Variants in DPH2 observed in about 807,000 individuals in gnomAD.
DPH2 encodes the protein diphthamide biosynthesis 2.
A neutral mutation model predicts 42.5 loss-of-function variants in DPH2; 28 were observed. The observed-to-expected ratio is 0.66, with a 90% CI of 0.49 to 0.90. DPH2 has a LOEUF of 0.90. DPH2 is among the 40% of genes least tolerant of loss of function. DPH2 has a pLI of 0.00. For missense variants in DPH2, 576 were observed against 636.0 expected (o/e 0.91, Z 1.01); for synonymous variants, 279 against 264.4 (o/e 1.06, Z -0.53).
Position 43,971,207 on chromosome 1 carries a change from T to C in DPH2, c.484+18T>C. 2 of 1,548,448 alleles carry C rather than the reference T, an allele frequency of 1.3e-6. No individual in the cohort carries two copies. Among genetic ancestry groups the C allele is most frequent in the South Asian group, 1.2e-5 (1 of 84,436 alleles). On this transcript the variant is annotated intron_variant, in intron 3 of 5. Coordinates refer to ENST00000255108, the MANE Select transcript of DPH2 (RefSeq NM_001384.5). Reference sequence around the variant, plus strand: ...TGCCCTGGGTAAGGGGTTTTGCCTGTGTATGCACAAAGGGTGAGCCAACTG... The same window carrying C: ...TGCCCTGGGTAAGGGGTTTTGCCTGCGTATGCACAAAGGGTGAGCCAACTG...
Position 43,972,865 on chromosome 1 carries a change from G to A in DPH2, c.*326G>A. 1 of 294,910 alleles carries A rather than the reference G, an allele frequency of 3.4e-6. No individual in the cohort carries two copies. Among genetic ancestry groups the A allele is most frequent in the Non-Finnish European group, 6.5e-6 (1 of 153,892 alleles). The allele number at this position is 294,910 out of a possible 1,614,324, so 18.3% of individuals were successfully genotyped here. ...GTTCCCAGGCTGCAGTTGAGGGTCT[G>A]TCCTTGTCAAAAGGCAGGTGCTAGA... On this transcript the variant is annotated 3_prime_UTR_variant, in exon 6 of 6. Transcript: ENST00000255108.
In DPH2 at chr1:43,971,523, A is replaced by G. The variant is rs1252642082; in HGVS notation, c.621A>G (p.Pro207=). 1.9e-6 allele frequency: 3 copies of G among 1,614,164 alleles called. No homozygotes were observed. In the East Asian group the frequency reaches 6.7e-5, roughly 36 times the overall value. ...TTGGGCGCCGCTTCCCCCTTGCCCC[A>G]GGGAGGCGTCTAGAAGAGTATGGTG... is the stretch of plus-strand genomic sequence containing the variant. ...ERFGRRFPLA[P]GRRLEEYGAF... Residue 207 remains proline, a synonymous_variant, in exon 4 of 6, where the codon CCA becomes CCG. Transcript: ENST00000255108.
Position 43,971,104 on chromosome 1 carries a change from C to T in DPH2, c.399C>T (p.Leu133=), listed in dbSNP as rs370437284. Residue 133 remains leucine, a synonymous_variant, in exon 3 of 6, where the codon CTC becomes CTT. Transcript: ENST00000255108. ...VLRQRSVALE[L]CVKAFEAQNP... is the part of the protein sequence containing the mutation. Reference sequence around the variant, plus strand: ...GTCAACGTTCTGTGGCCTTGGAGCTCTGTGTCAAGGCCTTTGAGGCCCAGA... The same window carrying T: ...GTCAACGTTCTGTGGCCTTGGAGCTTTGTGTCAAGGCCTTTGAGGCCCAGA... 1 of 1,559,648 alleles carries T rather than the reference C, an allele frequency of 6.4e-7. No homozygotes were observed.
chr1:43,972,693 T>G lies in DPH2; in HGVS notation c.*154T>G. ...CCCTTCACAGGATAGGATCCGTCTC[T>G]GTCCTGTCCTGGCACTGGCACAAGC... On this transcript the variant is annotated 3_prime_UTR_variant, in exon 6 of 6. Coordinates refer to ENST00000255108, the MANE Select transcript of DPH2 (RefSeq NM_001384.5). The G allele has an allele frequency of 6.5e-6, 7 of 1,079,432 alleles. No homozygotes were observed. Among genetic ancestry groups the G allele is most frequent in the Non-Finnish European group, 9.2e-6 (7 of 757,546 alleles). The allele number at this position is 1,079,432 out of a possible 1,614,324, so 66.9% of individuals were successfully genotyped here.
intron 1 of DPH2, 39 bp from the exon 2 acceptor site, chr1:43,970,557 G>A (rs1420046468): frequency 2.5e-6 from 4 of 1,604,628 alleles, no homozygotes; most frequent in Non-Finnish European, 3.4e-6. Flanking sequence ...CCCTCAGTGG[G>A]AGAGAGGCTG....
rs1386111840 is a variant in DPH2 at position 43,970,684 on chromosome 1, T to C, written c.236T>C (p.Ile79Thr). The C allele has an allele frequency of 1.9e-6, 3 of 1,614,024 alleles. No individual in the cohort carries two copies. Among genetic ancestry groups the C allele is most frequent in the Non-Finnish European group, 1.7e-6 (2 of 1,180,026 alleles). The stretch of plus-strand genomic sequence containing the variant: ...GAGACGACAGGGTCAAAGATGTTCA[T>C]TCTGGGTGACACAGCCTACGGCAGG... Reference protein sequence around the residue: ...LEETTGSKMFILGDTAYGSCC... With the variant: ...LEETTGSKMFTLGDTAYGSCC... The change falls in exon 2 of 6, where the codon ATT (isoleucine) becomes ACT (threonine). Residue 79 changes from isoleucine to threonine, a missense_variant. By Grantham distance (89) the Ile-to-Thr change is moderately conservative. Coordinates refer to ENST00000255108, the MANE Select transcript of DPH2 (RefSeq NM_001384.5).
chr1:43,971,724 G>C lies in DPH2; in HGVS notation c.822G>C (p.Leu274=), dbSNP rs1338264572. The C allele has an allele frequency of 5.0e-6, 8 of 1,611,988 alleles. No homozygotes were observed. In the East Asian group the frequency reaches 1.3e-4, roughly 27 times the overall value. Residue 274 remains leucine (L), a synonymous_variant, in exon 4 of 6, where the codon CTG becomes CTC. Coordinates refer to ENST00000255108, the MANE Select transcript of DPH2 (RefSeq NM_001384.5). ...GGCTAAGGGCACGAAGACGATATCT[G>C]GTAGAGAGGGCCAGAGATGCCCGCG... is the stretch of plus-strand genomic sequence containing the variant. The part of the protein sequence containing the change: ...AGRLRARRRY[L]VERARDARVV...
chr1:43,970,062 TC>T lies in DPH2; in HGVS notation c.-109del. 1 of 1,249,966 alleles carries T rather than the reference TC, an allele frequency of 8.0e-7. No homozygotes were observed. Among genetic ancestry groups the T allele is most frequent in the Non-Finnish European group, 1.1e-6 (1 of 908,750 alleles). The allele number at this position is 1,249,966 out of a possible 1,614,324, so 77.4% of individuals were successfully genotyped here. On this transcript the variant is annotated 5_prime_UTR_variant, in exon 1 of 6. An upstream open reading frame in the 5' UTR gains an earlier in-frame stop. Transcript: ENST00000255108. ...TCACCGGCTGAAGGCCGACTGTGAT[TC>T]CCCCTACCCCCACAAGGCGATTTTG...
At position 43,970,279 on chromosome 1, in the gene DPH2, T is replaced by G. The variant is rs1285078288; in HGVS notation, c.104T>G (p.Leu35Arg). The G allele has an allele frequency of 6.2e-7, 1 of 1,614,232 alleles. No individual in the cohort carries two copies. The highest frequency in any genetic ancestry group is 2.2e-5 in the East Asian group (1 of 44,884). Reference sequence around the variant, plus strand: ...CCGGACCTGGACGGAGTGTACGAGCTGGAGCGAGTCGCTGGATTTGTCCGC... The same window carrying G: ...CCGGACCTGGACGGAGTGTACGAGCGGGAGCGAGTCGCTGGATTTGTCCGC... ...PLPDLDGVYELERVAGFVRDL... is the reference protein window; with the variant it reads ...PLPDLDGVYERERVAGFVRDL... The change falls in exon 1 of 6, where the codon CTG becomes CGG. Residue 35 changes from leucine (L) to arginine (R), a missense_variant. Around this residue, in one of 3 missense-constraint regions of DPH2, gnomAD observed 395 missense variants for 435.2 expected, o/e 0.91. Transcript: ENST00000255108.
Position 43,970,728 on chromosome 1 carries a change from TG to T in DPH2, c.260+23del. Reference sequence around the variant, plus strand: ...CGGCAGGTGTGAACTTGGCCTTAGGTGGGCCAGGCCTGGGGATCCGGGGCTC... The same window carrying T: ...CGGCAGGTGTGAACTTGGCCTTAGGTGGCCAGGCCTGGGGATCCGGGGCTC... On this transcript the variant is annotated intron_variant, in intron 2 of 5. Transcript: ENST00000255108. The T allele has an allele frequency of 2.5e-6, 4 of 1,605,138 alleles. No homozygotes were observed. Among genetic ancestry groups the T allele is most frequent in the Non-Finnish European group, 3.4e-6 (4 of 1,171,920 alleles).
In DPH2 at chr1:43,970,229, G is replaced by T. The variant is rs756626745; in HGVS notation, c.54G>T (p.Gly18=). ...PAEAALQRET[G]VPGLLTPLPD... The stretch of plus-strand genomic sequence containing the variant: ...AGGCGGCGCTGCAGCGAGAGACCGG[G>T]GTGCCAGGACTGCTTACTCCTCTTC... Residue 18 remains glycine (G), a synonymous_variant, in exon 1 of 6, where the codon GGG becomes GGT. Transcript: ENST00000255108. 4 of 1,614,248 alleles carry T rather than the reference G, an allele frequency of 2.5e-6. No homozygotes were observed. The highest frequency in any genetic ancestry group is 1.6e-4 in the Middle Eastern group (1 of 6,062).
At position 43,972,435 on chromosome 1, in the gene DPH2, A is replaced by T; in HGVS notation, c.1366A>T (p.Ser456Cys). The stretch of plus-strand genomic sequence containing the variant: ...TACAGCCTCATTCCTTAGTTCCCGG[A>T]GCTGGCAAGGGCTGGAGCCCCGCCT... ...SPAASFLSSRSWQGLEPRLGQ... is the reference protein window; with the variant it reads ...SPAASFLSSRCWQGLEPRLGQ... The change falls in exon 6 of 6, where the codon AGC becomes TGC. Residue 456 changes from serine (S) to cysteine (C), a missense_variant. By Grantham distance (112) the Ser-to-Cys change is moderately radical. This residue lies in a region of DPH2 where 178 missense variants were observed against 184.4 expected (regional missense o/e 0.97). Transcript: ENST00000255108. 6.2e-7 allele frequency: 1 copy of T among 1,614,214 alleles called. No individual in the cohort carries two copies. Among genetic ancestry groups the T allele is most frequent in the Non-Finnish European group, 8.5e-7 (1 of 1,180,046 alleles).
At chr1:43,970,781 T>C (rs1343322376) in intron 2 of DPH2, 73 bp downstream of exon 2, 1 of 1,430,116 alleles carries the variant, frequency 7.0e-7, no homozygotes, top group East Asian at 2.3e-5. Flanking sequence ...ATGACAGTGA[T>C]TGCCTTCAAT....
At position 43,970,676 on chromosome 1, in the gene DPH2, GA is replaced by G; in HGVS notation, c.229del (p.Met77CysfsTer35). On this transcript the variant is annotated frameshift_variant, in exon 2 of 6. Transcript: ENST00000255108. LOFTEE classifies it high-confidence loss of function. ...GACTGGAGGAGACGACAGGGTCAAA[GA>G]TGTTCATTCTGGGTGACACAGCCTA... ...ARLEETTGSKMFILGDTAYGS... is the reference protein window; with the variant it reads ...ARLEETTGSKXFILGDTAYGS... 3 of 1,614,222 alleles carry G rather than the reference GA, an allele frequency of 1.9e-6. No homozygotes were observed. Among genetic ancestry groups the G allele is most frequent in the Non-Finnish European group, 2.5e-6 (3 of 1,180,038 alleles).
intron 1 of DPH2, 113 bp downstream of exon 1, chr1:43,970,435 G>A: frequency 6.5e-7 from 1 of 1,539,592 alleles, no homozygotes; most frequent in Non-Finnish European, 8.8e-7. Flanking sequence ...CAGTCTGTCC[G>A]CAGCGCGTTG....
At position 43,972,435 on chromosome 1, in the gene DPH2, A is replaced by G. The variant is rs2085454447; in HGVS notation, c.1366A>G (p.Ser456Gly). Residue 456 changes from serine (S) to glycine (G), a missense_variant, in exon 6 of 6, where the codon AGC becomes GGC. Ser to Gly is a moderately conservative substitution (Grantham distance 56, BLOSUM62 0). This residue lies in a region of DPH2 where 178 missense variants were observed against 184.4 expected (regional missense o/e 0.97). Transcript: ENST00000255108. Reference protein sequence around the residue: ...SPAASFLSSRSWQGLEPRLGQ... With the variant: ...SPAASFLSSRGWQGLEPRLGQ... ...TACAGCCTCATTCCTTAGTTCCCGG[A>G]GCTGGCAAGGGCTGGAGCCCCGCCT... 12 of 1,614,214 alleles carry G rather than the reference A, an allele frequency of 7.4e-6. No homozygotes were observed. Among genetic ancestry groups the G allele is most frequent in the Non-Finnish European group, 1.0e-5 (12 of 1,180,046 alleles).
In DPH2 at chr1:43,970,958, C is replaced by A; in HGVS notation, c.261-8C>A. 6.4e-7 allele frequency: 1 copy of A among 1,569,394 alleles called. No individual in the cohort carries two copies. Among genetic ancestry groups the A allele is most frequent in the East Asian group, 2.3e-5 (1 of 43,018 alleles). Reference sequence around the variant, plus strand: ...GAACCCATTTCTCTGATGCTATCTTCCCTGCAGCTGCTGCGTGGATGTGCT... The same window carrying A: ...GAACCCATTTCTCTGATGCTATCTTACCTGCAGCTGCTGCGTGGATGTGCT... On this transcript the variant is annotated splice_polypyrimidine_tract_variant and splice_region_variant and intron_variant, in intron 2 of 5. Transcript: ENST00000255108.
rs1266046895 is a variant in DPH2 at position 43,970,576 on chromosome 1, T to G, written c.148-20T>G. 1 of 1,613,088 alleles carries G rather than the reference T, an allele frequency of 6.2e-7. No individual in the cohort carries two copies. On this transcript the variant is annotated intron_variant, in intron 1 of 5. Transcript: ENST00000255108. ...CAGTGGGAGAGAGGCTGTCCCTGAC[T>G]CCATGGTTTATGCTTATAGGTTGCC...
At position 43,972,149 on chromosome 1, in the gene DPH2, C is replaced by T. The variant is rs1228147362; in HGVS notation, c.1169-9C>T. 3.1e-6 allele frequency: 5 copies of T among 1,612,042 alleles called. No homozygotes were observed. The highest frequency in any genetic ancestry group is 2.2e-5 in the East Asian group (1 of 44,834). On this transcript the variant is annotated splice_polypyrimidine_tract_variant and intron_variant, in intron 4 of 5. Coordinates refer to ENST00000255108, the MANE Select transcript of DPH2 (RefSeq NM_001384.5). ...GTGAGTATGGATTTTCTTTCCTCCT[C>T]CCTTTCAGGCTCTCCCTTCCACGTG... is the stretch of plus-strand genomic sequence containing the variant.
Sources: allele counts gnomAD v4.1 joint callset, GRCh38; gene constraint gnomAD v4.1.1; regional missense constraint gnomAD v4.1.1; transcripts MANE v1.5; gene names NCBI Gene and HGNC (gene_info 2026-07-23, HGNC 2026-07-21).